The following LIMCH1 variants were observed in gnomAD, a reference collection of about 807,000 sequenced individuals.
The protein encoded by LIMCH1 is LIM and calponin homology domains-containing protein 1.
LIMCH1 carries 113 observed loss-of-function variants against 176.5 expected under a neutral mutation model. That is an observed-to-expected ratio of 0.64 (90% CI 0.55 to 0.75). The LOEUF is 0.75. Among genes scored for constraint, LIMCH1 ranks in the 30% least tolerant of loss-of-function variants. The pLI is 0.00. For synonymous variants in LIMCH1, 619 were observed against 645.9 expected (o/e 0.96, Z 0.63); for missense variants, 1,674 against 1,814.9 (o/e 0.92, Z 1.41).
At chr4:41,365,984 T>C (rs2052908659) in intron 1 of LIMCH1, among the ~76,000 whole-genome samples, 1 of 152,222 alleles carries the variant, frequency 6.6e-6, no homozygotes, top group South Asian at 2.1e-4. Context: ...AGCTCTCTGC[T>C]GATGGATGAC....
At chr4:41,383,685 G>C (rs576049810) in intron 1 of LIMCH1, among the ~76,000 whole-genome samples, 2 of 152,196 alleles carry the variant, frequency 1.3e-5, no homozygotes, top group South Asian at 4.2e-4. Flanking sequence ...TAATTACTAT[G>C]ACCAGAGTGT....
intron 1 of LIMCH1, among the ~76,000 whole-genome samples, chr4:41,582,120 G>C (rs1412601523): frequency 2.0e-5 from 3 of 152,192 alleles, no homozygotes; most frequent in Non-Finnish European, 4.4e-5. Flanking sequence ...TGCTTAAAAT[G>C]TGTAGTGTGC....
At chr4:41,671,073 AGATT>A in intron 21 of LIMCH1, 15 of 726,882 alleles carry the variant, frequency 2.1e-5, no homozygotes, top group Non-Finnish European at 2.5e-5. Context: ...AAAAAAAAAA[AGATT>A]AAAAGCATTT....
At chr4:41,411,665 A>G (rs947689256) in intron 1 of LIMCH1, among the ~76,000 whole-genome samples, 3 of 130,492 alleles carry the variant, frequency 2.3e-5, no homozygotes, top group Non-Finnish European at 5.2e-5. Flanking sequence ...CTTTTAGGGA[A>G]AAAAAAAAGG....
At chr4:41,591,456 C>A (rs2087550706) in intron 1 of LIMCH1, among the ~76,000 whole-genome samples, 3 of 152,134 alleles carry the variant, frequency 2.0e-5, no homozygotes, top group Admixed American at 1.3e-4. Context: ...CTTGCCCAGG[C>A]TGGTCTTGAA....
chr4:41,648,672 T>TGTGTGTGTGC (rs1339277857), intron 17 of LIMCH1, among the ~76,000 whole-genome samples: 8 of 149,942 alleles, frequency 5.3e-5, no homozygotes, highest in African/African-American at 2.0e-4. Flanking sequence ...TGTGTGTGTG[T>TGTGTGTGTGC]GTGTGTGTGT....
chr4:41,419,602 C>CCTTCCTT (rs1430975004), intron 1 of LIMCH1, among the ~76,000 whole-genome samples: 3 of 70,558 alleles, frequency 4.3e-5, no homozygotes, highest in African/African-American at 2.3e-4. Context: ...TTCCTTCCTT[C>CCTTCCTT]CGTCCTTCCT....
intron 1 of LIMCH1, among the ~76,000 whole-genome samples, chr4:41,594,843 T>TG (rs901399188): frequency 1.3e-5 from 2 of 152,170 alleles, no homozygotes; most frequent in African/African-American, 2.4e-5. Context: ...TGAGAATCTG[T>TG]GGGGGTCACA....
At chr4:41,500,266 C>T (rs2073030588) in intron 2 of LIMCH1, among the ~76,000 whole-genome samples, 1 of 152,222 alleles carries the variant, frequency 6.6e-6, no homozygotes, top group Admixed American at 6.5e-5. Context: ...TGATACTTTC[C>T]TGAATCAGTC....
At chr4:41,379,103 A>G (rs1245963584) in intron 1 of LIMCH1, among the ~76,000 whole-genome samples, 1 of 152,174 alleles carries the variant, frequency 6.6e-6, no homozygotes, top group Non-Finnish European at 1.5e-5. Context: ...TTATTATTTT[A>G]TAGTTTCTAT....
intron 1 of LIMCH1, among the ~76,000 whole-genome samples, chr4:41,569,501 G>A (rs1295568907): frequency 6.6e-6 from 1 of 152,168 alleles, no homozygotes; most frequent in Non-Finnish European, 1.5e-5. Context: ...TGCTAAGGGA[G>A]CTTCCTCTAC....
At position 41,538,290 on chromosome 4, in the gene LIMCH1, C is replaced by G; in HGVS notation, c.-301C>G. The G allele has an allele frequency of 1.0e-6, 1 of 985,328 alleles. No homozygotes were observed. The highest frequency in any genetic ancestry group is 1.2e-6 in the Non-Finnish European group (1 of 829,928). The allele number at this position is 985,328 out of a possible 1,614,324, so 61.0% of individuals were successfully genotyped here. On this transcript the variant is annotated 5_prime_UTR_variant, in exon 1 of 32. Coordinates refer to ENST00000503057, the MANE Select transcript of LIMCH1 (RefSeq NM_001330672.2). ...GACGAGGAGCACACAGGAGAGATGC[C>G]CCTCCCATCTCCCAGAGTGGGTTGG...
chr4:41,426,504 A>T (rs2061120498), intron 1 of LIMCH1, among the ~76,000 whole-genome samples: 1 of 152,232 alleles, frequency 6.6e-6, no homozygotes, highest in South Asian at 2.1e-4. Context: ...TTACTTTAGA[A>T]ATATTATATG....
intron 1 of LIMCH1, among the ~76,000 whole-genome samples, chr4:41,492,079 C>T (rs547941691): frequency 9.2e-5 from 14 of 152,270 alleles, no homozygotes; most frequent in Admixed American, 3.9e-4. Flanking sequence ...TGTAGCCAGC[C>T]GAGATCACGC....
chr4:41,549,749 A>T (rs6447090), intron 1 of LIMCH1, among the ~76,000 whole-genome samples: 37,421 of 151,992 alleles, frequency 0.25, 7,445 homozygotes, highest in African/African-American at 0.55. Context: ...AGTACATTTT[A>T]AAAAGAAGGA....
chr4:41,629,722 C>A lies in LIMCH1; in HGVS notation c.1259C>A (p.Ser420Ter). The A allele has an allele frequency of 6.5e-7, 1 of 1,535,592 alleles. No individual in the cohort carries two copies. The highest frequency in any genetic ancestry group is 1.2e-5 in the South Asian group (1 of 83,976). Reference protein sequence around the residue: ...DLETWERLKVSEKARDGDVQH... With the variant: ...DLETWERLKV ...GAGACGTGGGAGAGACTCAAAGTGTCAGAAAAGGCGAGGTGTGTCATGTTT... is the reference window on the plus strand; with the variant it reads ...GAGACGTGGGAGAGACTCAAAGTGTAAGAAAAGGCGAGGTGTGTCATGTTT... Residue 420 changes from serine to a stop codon, truncating the protein, a stop_gained, in exon 9 of 32, where the codon TCA (serine) becomes TAA (stop). Transcript: ENST00000503057. LOFTEE classifies it high-confidence loss of function.
intron 1 of LIMCH1, among the ~76,000 whole-genome samples, chr4:41,374,330 C>T (rs1901747): frequency 0.14 from 21,973 of 152,040 alleles, 2,087 homozygotes; most frequent in Admixed American, 0.23. Context: ...GTTTTGCCAC[C>T]TGGGAAGGAG....
chr4:41,627,031 T>C (rs2152848578), intron 8 of LIMCH1, 21 bp downstream of exon 8: 1 of 1,505,212 alleles, frequency 6.6e-7, no homozygotes, highest in East Asian at 2.5e-5. Context: ...TGTGTGTGTG[T>C]GTGTGTGTGT....
intron 1 of LIMCH1, among the ~76,000 whole-genome samples, chr4:41,477,676 T>C (rs2067956007): frequency 6.6e-6 from 1 of 152,162 alleles, no homozygotes; most frequent in African/African-American, 2.4e-5. Flanking sequence ...TTTTTGCCAA[T>C]CCTGACTAGG....
Sources: allele counts gnomAD v4.1 joint callset (sites outside exome capture counted in the v4.1 genomes callset), GRCh38; gene constraint gnomAD v4.1.1; transcripts MANE v1.5; gene names NCBI Gene and HGNC (gene_info 2026-07-23, HGNC 2026-07-21).